Variants in SERGEF observed in about 807,000 individuals in gnomAD.
SERGEF encodes the protein secretion regulating guanine nucleotide exchange factor, also known as secretion-regulating guanine nucleotide exchange factor.
In SERGEF, 51 loss-of-function variants were observed where a neutral mutation model predicts 50.0. That is an observed-to-expected ratio of 1.02 (90% CI 0.81 to 1.29). SERGEF has a LOEUF of 1.29. Ranked by LOEUF, SERGEF falls within the 50% of genes most tolerant of loss-of-function variation. SERGEF has a pLI of 0.00. For missense variants in SERGEF, 521 were observed against 557.0 expected, an observed-to-expected ratio of 0.94 and a Z score of 0.65; for synonymous variants, 205 against 212.4, an observed-to-expected ratio of 0.97 and a Z score of 0.30.
chr11:17,900,729 A>T (rs1373245618), intron 9 of SERGEF, among the ~76,000 whole-genome samples: 1 of 152,206 alleles, frequency 6.6e-6, no homozygotes, highest in Non-Finnish European at 1.5e-5. Flanking sequence ...CCAGGTGCTC[A>T]TACCTGTAAG....
intron 4 of SERGEF, among the ~76,000 whole-genome samples, chr11:18,004,028 A>G (rs964405925): frequency 6.6e-6 from 1 of 152,214 alleles, no homozygotes; most frequent in Non-Finnish European, 1.5e-5. Context: ...AGAAAATTTT[A>G]AATTACATAT....
chr11:17,797,946 G>T (rs1224431869), intron 10 of SERGEF, among the ~76,000 whole-genome samples: 1 of 152,194 alleles, frequency 6.6e-6, no homozygotes, highest in African/African-American at 2.4e-5. Context: ...GTGGGCAGAG[G>T]CTGGGCTGAG....
intron 10 of SERGEF, chr11:17,854,031 A>AG (rs1386048268): frequency 6.6e-6 from 1 of 151,476 alleles, no homozygotes; most frequent in East Asian, 1.9e-4. Flanking sequence ...AAAAAAAAAA[A>AG]AAAAAAAAAA....
chr11:17,960,443 G>A (rs1852972871), intron 8 of SERGEF, among the ~76,000 whole-genome samples: 1 of 152,138 alleles, frequency 6.6e-6, no homozygotes, highest in Admixed American at 6.5e-5. Flanking sequence ...TATTTCAACA[G>A]AAATGCAAAA....
chr11:17,896,847 G>T (rs1325625477), intron 9 of SERGEF, among the ~76,000 whole-genome samples: 1 of 79,004 alleles, frequency 1.3e-5, no homozygotes, highest in Non-Finnish European at 2.4e-5. Flanking sequence ...TAAGGGAAGG[G>T]AAGGGTAAGG....
At chr11:17,925,883 G>A (rs1272583809) in intron 9 of SERGEF, among the ~76,000 whole-genome samples, 1 of 152,128 alleles carries the variant, frequency 6.6e-6, no homozygotes, top group Non-Finnish European at 1.5e-5. Flanking sequence ...GTGATCTTGG[G>A]CAAAATATGT....
At chr11:17,878,965 G>A (rs1189407060) in intron 9 of SERGEF, among the ~76,000 whole-genome samples, 1 of 152,100 alleles carries the variant, frequency 6.6e-6, no homozygotes, top group African/African-American at 2.4e-5. Context: ...TACCCCCACC[G>A]TAGCAACCAT....
At chr11:17,818,049 A>AGAC (rs1395891257) in intron 10 of SERGEF, among the ~76,000 whole-genome samples, 1 of 152,200 alleles carries the variant, frequency 6.6e-6, no homozygotes, top group African/African-American at 2.4e-5. Flanking sequence ...AGACTTGAGG[A>AGAC]TTGGGAGAGC....
intron 1 of SERGEF, 29 bp downstream of exon 1, chr11:18,012,922 T>A (rs1440966404): frequency 2.0e-6 from 3 of 1,523,520 alleles, no homozygotes; most frequent in Non-Finnish European, 2.6e-6. Context: ...CCTCAGGGCC[T>A]GCACCGGCCC....
intron 10 of SERGEF, chr11:17,854,805 A>G (rs991798865): frequency 2.0e-5 from 3 of 152,260 alleles, no homozygotes; most frequent in Non-Finnish European, 2.9e-5. Context: ...TTGACAGGTA[A>G]AAATTGATAA....
At chr11:17,859,465 T>C (rs747704615) in intron 10 of SERGEF, among the ~76,000 whole-genome samples, 4 of 151,976 alleles carry the variant, frequency 2.6e-5, no homozygotes, top group Non-Finnish European at 5.9e-5. Flanking sequence ...GGAAATTCAA[T>C]ATACATTCAA....
intron 9 of SERGEF, among the ~76,000 whole-genome samples, chr11:17,950,023 T>C (rs1852744737): frequency 6.6e-6 from 1 of 152,182 alleles, no homozygotes; most frequent in Non-Finnish European, 1.5e-5. Context: ...ATAGATAAAC[T>C]GCAGAATACA....
chr11:17,999,339 G>C (rs1429314266), intron 5 of SERGEF, among the ~76,000 whole-genome samples: 2 of 152,210 alleles, frequency 1.3e-5, no homozygotes, highest in Non-Finnish European at 2.9e-5. Context: ...ATACCATTAG[G>C]GGAAACCGGG....
intron 10 of SERGEF, among the ~76,000 whole-genome samples, chr11:17,871,681 G>GGTA (rs1488010371): frequency 3.9e-5 from 6 of 152,076 alleles, no homozygotes; most frequent in African/African-American, 1.4e-4. Flanking sequence ...TGGCCTATAA[G>GGTA]CATGTAAAAA....
intron 9 of SERGEF, among the ~76,000 whole-genome samples, chr11:17,903,618 A>G (rs1036099261): frequency 7.2e-5 from 11 of 152,248 alleles, no homozygotes; most frequent in African/African-American, 2.4e-4. Flanking sequence ...AGAGGCTGCA[A>G]CCAGGACAGA....
At chr11:17,990,260 A>T (rs1853686107) in intron 7 of SERGEF, among the ~76,000 whole-genome samples, 1 of 152,218 alleles carries the variant, frequency 6.6e-6, no homozygotes, top group East Asian at 1.9e-4. Context: ...CACTGGGCAC[A>T]TCACTTCACA....
chr11:17,905,524 A>G (rs1215224825), intron 9 of SERGEF, among the ~76,000 whole-genome samples: 1 of 152,224 alleles, frequency 6.6e-6, no homozygotes, highest in African/African-American at 2.4e-5. Flanking sequence ...GGAAGGATGC[A>G]GTTATCTGGC....
At chr11:17,962,166 C>T (rs896605430) in intron 8 of SERGEF, among the ~76,000 whole-genome samples, 1 of 152,104 alleles carries the variant, frequency 6.6e-6, no homozygotes, top group African/African-American at 2.4e-5. Flanking sequence ...ATGAAATAGC[C>T]ATTTTTACAA....
chr11:17,986,023 C>G (rs1853587647), intron 8 of SERGEF, among the ~76,000 whole-genome samples: 1 of 152,174 alleles, frequency 6.6e-6, no homozygotes, highest in Non-Finnish European at 1.5e-5. Flanking sequence ...ACTAATGCCT[C>G]CCAGAATGAG....
Sources: gnomAD v4.1 joint callset for allele counts (sites outside exome capture counted in the v4.1 genomes callset) on GRCh38, gnomAD v4.1.1 for gene constraint, MANE v1.5 for transcripts, NCBI Gene and HGNC (gene_info 2026-07-23, HGNC 2026-07-21) for gene names.